HNRNPCL2: variants seen among roughly 807,000 people sequenced by gnomAD.
HNRNPCL2 encodes heterogeneous nuclear ribonucleoprotein C like 2.
HNRNPCL2 carries 17 observed loss-of-function variants against 18.2 expected under a neutral mutation model. The ratio of observed to expected loss-of-function variants is 0.94; its 90% CI spans 0.64 to 1.40. The LOEUF (loss-of-function observed/expected upper bound fraction) is 1.40, where lower values mean the gene tolerates loss of function less well. Ranked by LOEUF, HNRNPCL2 falls within the 40% of genes most tolerant of loss-of-function variation. The pLI is 0.00. For missense variants in HNRNPCL2, 358 were observed against 357.1 expected (o/e 1.00, Z -0.02); for synonymous variants, 133 against 129.9 (o/e 1.02, Z -0.16).
In HNRNPCL2 at chr1:13,116,276, T is replaced by C. The variant is rs1642825748; in HGVS notation, c.125A>G (p.Lys42Arg). 7 of 1,612,458 alleles carry C rather than the reference T, an allele frequency of 4.3e-6. 1 individual carries two copies. The highest frequency in any genetic ancestry group is 5.9e-6 in the Non-Finnish European group (7 of 1,179,626). ...DVEAIFSKYGKIAGCSVHKGF... is the reference protein window; with the variant it reads ...DVEAIFSKYGRIAGCSVHKGF... The stretch of plus-strand genomic sequence containing the variant: ...CTTATGAACAGAGCAGCCCGCAATT[T>C]TGCCATACTTGGAAAAGATCGCCTC... Residue 42 changes from lysine to arginine, a missense_variant, in exon 2 of 2, where the codon AAA becomes AGA. Physicochemically the swap from Lys to Arg is conservative, Grantham distance 26. Transcript: ENST00000621994.
Position 13,116,732 on chromosome 1 carries a change from C to T in HNRNPCL2, c.-182+61G>A, listed in dbSNP as rs551808121. On this transcript the variant is annotated intron_variant, in intron 1 of 1. Transcript: ENST00000621994. ...ATGCCATCGTAGGCTGCACTGTCACCGTTCTAGACCGGCTGACTGTAGGTC... is the reference window on the plus strand; with the variant it reads ...ATGCCATCGTAGGCTGCACTGTCACTGTTCTAGACCGGCTGACTGTAGGTC... 5.2e-4 allele frequency: 198 copies of T among 377,990 alleles called. 4 individuals are homozygous for T. The highest frequency in any genetic ancestry group is 3.1e-3 in the African/African-American group (149 of 47,550). 23.4% of individuals were successfully genotyped at this position (377,990 alleles called of 1,614,324 possible).
Position 13,116,803 on chromosome 1 carries a change from T to G in HNRNPCL2, c.-192A>C, listed in dbSNP as rs796721908. ...AAATTAGTGACTTACCAGATCTGGT[T>G]GTAGTTTAGAAGGTGCTCAGACCTC... On this transcript the variant is annotated 5_prime_UTR_variant, in exon 1 of 2. Coordinates refer to ENST00000621994, the MANE Select transcript of HNRNPCL2 (RefSeq NM_001136561.3). The G allele has an allele frequency of 9.1e-6, 2 of 218,670 alleles. No individual in the cohort carries two copies. 13.5% of individuals were successfully genotyped at this position (218,670 alleles called of 1,614,324 possible).
intron 1 of HNRNPCL2, 63 bp from the exon 2 acceptor site, chr1:13,116,644 A>G (rs1356845990): frequency 1.2e-6 from 1 of 818,712 alleles, no homozygotes; most frequent in Non-Finnish European, 1.8e-6. Context: ...TGCATTTAGA[A>G]AAAAAAATCA....
Position 13,116,150 on chromosome 1 carries a change from A to G in HNRNPCL2, c.251T>C (p.Leu84Pro). 6.2e-7 allele frequency: 1 copy of G among 1,608,704 alleles called. No individual in the cohort carries two copies. ...TCGGTTCACTTTTGGCTCTGCAGCC[A>G]GGTTAATAACTGCAACCTGGCTAGC... ...MIASQVAVINLAAEPKVNRGN... is the reference protein window; with the variant it reads ...MIASQVAVINPAAEPKVNRGN... The change falls in exon 2 of 2, where the codon CTG (leucine) becomes CCG (proline). Residue 84 changes from leucine to proline, a missense_variant. Physicochemically the swap from Leu to Pro is moderately conservative, Grantham distance 98. Coordinates refer to ENST00000621994, the MANE Select transcript of HNRNPCL2 (RefSeq NM_001136561.3).
At position 13,116,338 on chromosome 1, in the gene HNRNPCL2, C is replaced by G; in HGVS notation, c.63G>C (p.Gly21=). 6.2e-7 allele frequency: 1 copy of G among 1,612,112 alleles called. No homozygotes were observed. The highest frequency in any genetic ancestry group is 8.5e-7 in the Non-Finnish European group (1 of 1,179,456). ...PHSVNSRVFI[G]NLNTLVVKKS... ...TCTTGACAACAAGAGTGTTGAGATT[C>G]CCAATGAACACACGGGAGTTCACGG... is the stretch of plus-strand genomic sequence containing the variant. The change falls in exon 2 of 2, where the codon GGG becomes GGC. Residue 21 remains glycine, a synonymous_variant. Coordinates refer to ENST00000621994, the MANE Select transcript of HNRNPCL2 (RefSeq NM_001136561.3).
rs199927646 is a variant in HNRNPCL2, at chr1:13,115,599, G to C, written c.802C>G (p.His268Asp). Residue 268 changes from histidine to aspartate, a missense_variant, in exon 2 of 2, where the codon CAT (histidine) becomes GAT (aspartate). His to Asp is a moderately conservative substitution (Grantham distance 81). Coordinates refer to ENST00000621994, the MANE Select transcript of HNRNPCL2 (RefSeq NM_001136561.3). ...TCTTTTTCATTATTCTTGATCAAAT[G>C]AAGCTGGTTGTCCCCCTGATCTTCA... ...DNEDQGDNQL[H>D]LIKNNEKDAE... 17 of 1,613,512 alleles carry C rather than the reference G, an allele frequency of 1.1e-5. No homozygotes were observed. Among genetic ancestry groups the C allele is most frequent in the Middle Eastern group, 1.7e-4 (1 of 6,060 alleles).
chr1:13,115,575 CTT>C lies in HNRNPCL2; in HGVS notation c.824_825del (p.Lys275ArgfsTer3), dbSNP rs1376939525. 1.2e-6 allele frequency: 2 copies of C among 1,613,386 alleles called. No individual in the cohort carries two copies. Among genetic ancestry groups the C allele is most frequent in the Admixed American group, 3.3e-5 (2 of 59,974 alleles). On this transcript the variant is annotated frameshift_variant, in exon 2 of 2. Coordinates refer to ENST00000621994, the MANE Select transcript of HNRNPCL2 (RefSeq NM_001136561.3). LOFTEE classifies it high-confidence loss of function. Reference protein sequence around the residue: ...NQLHLIKNNEKDAEEGEDNRD... With the variant: ...NQLHLIKNNEXDAEEGEDNRD... ...CTGTTATCCTCTCCTTCCTCAGCAT[CTT>C]TTTCATTATTCTTGATCAAATGAAG...
Position 13,116,252 on chromosome 1 carries a change from T to G in HNRNPCL2, c.149A>C (p.Lys50Thr). The G allele has an allele frequency of 6.2e-7, 1 of 1,612,584 alleles. No individual in the cohort carries two copies. The highest frequency in any genetic ancestry group is 8.5e-7 in the Non-Finnish European group (1 of 1,179,712). The change falls in exon 2 of 2, where the codon AAG becomes ACG. Residue 50 changes from lysine (K) to threonine (T), a missense_variant. Physicochemically the swap from Lys to Thr is moderately conservative, Grantham distance 78. Coordinates refer to ENST00000621994, the MANE Select transcript of HNRNPCL2 (RefSeq NM_001136561.3). The part of the protein sequence containing the change: ...YGKIAGCSVH[K>T]GFAFVQYDKE... Reference sequence around the variant, plus strand: ...ATCATATTGAACGAAGGCAAAGCCCTTATGAACAGAGCAGCCCGCAATTTT... The same window carrying G: ...ATCATATTGAACGAAGGCAAAGCCCGTATGAACAGAGCAGCCCGCAATTTT...
In HNRNPCL2 at chr1:13,115,946, G is replaced by A; in HGVS notation, c.455C>T (p.Thr152Ile). Residue 152 changes from threonine (T) to isoleucine (I), a missense_variant, in exon 2 of 2, where the codon ACC (threonine) becomes ATC (isoleucine). By Grantham distance (89) the Thr-to-Ile change is moderately conservative. Transcript: ENST00000621994. Reference sequence around the variant, plus strand: ...GAAGCCACTTTTGCCCCTTCGTGAGGTGTTTCCTGATATGCGCTGGCGTTT... The same window carrying A: ...GAAGCCACTTTTGCCCCTTCGTGAGATGTTTCCTGATATGCGCTGGCGTTT... Reference protein sequence around the residue: ...PSKRQRISGNTSRRGKSGFNS... With the variant: ...PSKRQRISGNISRRGKSGFNS... 3.1e-6 allele frequency: 5 copies of A among 1,613,032 alleles called. No individual in the cohort carries two copies. Among genetic ancestry groups the A allele is most frequent in the Non-Finnish European group, 4.2e-6 (5 of 1,179,678 alleles).
rs767315185 is a variant in HNRNPCL2 at position 13,116,105 on chromosome 1, C to A, written c.296G>T (p.Arg99Leu). ...GGAGCCGTACATCTCCGCTGCGGAT[C>A]GTTTCACACCTGCGTTTCCTCGGTT... ...KVNRGNAGVK[R>L]SAAEMYGSSF... Residue 99 changes from arginine (R) to leucine (L), a missense_variant, in exon 2 of 2, where the codon CGA (arginine) becomes CTA (leucine). Arg to Leu is a moderately radical substitution (Grantham distance 102). Transcript: ENST00000621994. 6.2e-7 allele frequency: 1 copy of A among 1,612,928 alleles called. No homozygotes were observed. The highest frequency in any genetic ancestry group is 8.5e-7 in the Non-Finnish European group (1 of 1,179,778).
Position 13,115,975 on chromosome 1 carries a change from G to A in HNRNPCL2, c.426C>T (p.Pro142=), listed in dbSNP as rs766339330. ...TTCCTGATATGCGCTGGCGTTTCGAGGGCACTACAGCCAGAGCAATGGGAG... is the reference window on the plus strand; with the variant it reads ...TTCCTGATATGCGCTGGCGTTTCGAAGGCACTACAGCCAGAGCAATGGGAG... ...PPPPIALAVV[P]SKRQRISGNT... Residue 142 remains proline, a synonymous_variant, in exon 2 of 2, where the codon CCC becomes CCT. Coordinates refer to ENST00000621994, the MANE Select transcript of HNRNPCL2 (RefSeq NM_001136561.3). The A allele has an allele frequency of 2.0e-5, 33 of 1,613,064 alleles. No homozygotes were observed. Among genetic ancestry groups the A allele is most frequent in the Non-Finnish European group, 2.5e-5 (30 of 1,179,772 alleles).
Position 13,115,523 on chromosome 1 carries a change from G to A in HNRNPCL2, c.878C>T (p.Ser293Phe), listed in dbSNP as rs546150569. 1 of 1,599,240 alleles carries A rather than the reference G, an allele frequency of 6.3e-7. No individual in the cohort carries two copies. Among genetic ancestry groups the A allele is most frequent in the Non-Finnish European group, 8.5e-7 (1 of 1,173,548 alleles). The change falls in exon 2 of 2, where the codon TCT becomes TTT. Residue 293 changes from serine (S) to phenylalanine (F), a missense_variant. Ser to Phe is a radical substitution (Grantham distance 155, BLOSUM62 -2). Transcript: ENST00000621994. The part of the protein sequence containing the change: ...NRDSTNGQDD[S>F] ...TTTCTCAACCCCACTATGTGCTTAA[G>A]AGTCATCCTGGCCATTGGTGCTGTC...
rs771423677 is a variant in HNRNPCL2, at chr1:13,115,924, G to A, written c.477C>T (p.Gly159=). ...SGNTSRRGKS[G]FNSKSGKRGS... ...CCCGCTTTCCACTCTTAGAATTGAA[G>A]CCACTTTTGCCCCTTCGTGAGGTGT... Residue 159 remains glycine, a synonymous_variant, in exon 2 of 2, where the codon GGC becomes GGT. Transcript: ENST00000621994. 2.5e-6 allele frequency: 4 copies of A among 1,612,914 alleles called. No homozygotes were observed. The South Asian group carries it at 3.3e-5, about 13-fold the overall frequency.
chr1:13,116,467 C>A lies in HNRNPCL2; in HGVS notation c.-67G>T. The A allele has an allele frequency of 6.5e-7, 1 of 1,536,740 alleles. No individual in the cohort carries two copies. Among genetic ancestry groups the A allele is most frequent in the East Asian group, 2.3e-5 (1 of 43,352 alleles). On this transcript the variant is annotated 5_prime_UTR_variant, in exon 2 of 2. Transcript: ENST00000621994. ...GGCGGGAGGGAGAAGAGATTCGATT[C>A]TAAGTCTCCTACTGCCGGGTTCTAC...
rs1328747597 is a variant in HNRNPCL2 at position 13,115,763 on chromosome 1, A to C, written c.638T>G (p.Val213Gly). The part of the protein sequence containing the change: ...KIEKEQSKQE[V>G]EVKNAKSEEE... ...TTCTGACTTAGCATTTTTCACCTCT[A>C]CCTCTTGTTTGCTCTGTTCCTTTTC... The change falls in exon 2 of 2, where the codon GTA (valine) becomes GGA (glycine). Residue 213 changes from valine (V) to glycine (G), a missense_variant. Transcript: ENST00000621994. 1.9e-6 allele frequency: 3 copies of C among 1,612,496 alleles called. No individual in the cohort carries two copies. The highest frequency in any genetic ancestry group is 2.5e-6 in the Non-Finnish European group (3 of 1,179,734).
At position 13,116,042 on chromosome 1, in the gene HNRNPCL2, T is replaced by C. The variant is rs1211812500; in HGVS notation, c.359A>G (p.Tyr120Cys). ...DLDYGFQRDY[Y>C]DGMYSFPARV... Reference sequence around the variant, plus strand: ...TGCTGGGAAACTGTACATCCCATCATAATAATCCCGTTGAAAGCCATAGTC... The same window carrying C: ...TGCTGGGAAACTGTACATCCCATCACAATAATCCCGTTGAAAGCCATAGTC... Residue 120 changes from tyrosine to cysteine, a missense_variant, in exon 2 of 2, where the codon TAT (tyrosine) becomes TGT (cysteine). Physicochemically the swap from Tyr to Cys is radical, Grantham distance 194 (BLOSUM62 -2). Transcript: ENST00000621994. 3 of 1,613,438 alleles carry C rather than the reference T, an allele frequency of 1.9e-6. No homozygotes were observed. The highest frequency in any genetic ancestry group is 2.5e-6 in the Non-Finnish European group (3 of 1,179,880).
At position 13,115,903 on chromosome 1, in the gene HNRNPCL2, C is replaced by A. The variant is rs575926530; in HGVS notation, c.498G>T (p.Lys166Asn). 278 of 1,612,770 alleles carry A rather than the reference C, an allele frequency of 1.7e-4. 7 individuals carry two copies. In the African/African-American group the frequency reaches 3.4e-3, roughly 20 times the overall value. ...GKSGFNSKSG[K>N]RGSSKSGKLK... The stretch of plus-strand genomic sequence containing the variant: ...GCTTTCCAGACTTGGAAGATCCCCG[C>A]TTTCCACTCTTAGAATTGAAGCCAC... The change falls in exon 2 of 2, where the codon AAG becomes AAT. Residue 166 changes from lysine to asparagine, a missense_variant. By Grantham distance (94) the Lys-to-Asn change is moderately conservative (BLOSUM62 0). Coordinates refer to ENST00000621994, the MANE Select transcript of HNRNPCL2 (RefSeq NM_001136561.3).
rs754633845 is a variant in HNRNPCL2 at position 13,115,702 on chromosome 1, C to A, written c.699G>T (p.Glu233Asp). Reference protein sequence around the residue: ...EQSSSSMKKDETHVKMESEGG... With the variant: ...EQSSSSMKKDDTHVKMESEGG... ...CCTCAGACTCCATCTTTACATGAGT[C>A]TCATCTTTCTTCATGGAGCTACTGC... Residue 233 changes from glutamate (E) to aspartate (D), a missense_variant, in exon 2 of 2, where the codon GAG (glutamate) becomes GAT (aspartate). Glu to Asp is a conservative substitution (Grantham distance 45). Coordinates refer to ENST00000621994, the MANE Select transcript of HNRNPCL2 (RefSeq NM_001136561.3). 1.2e-6 allele frequency: 2 copies of A among 1,613,626 alleles called. No individual in the cohort carries two copies. The highest frequency in any genetic ancestry group is 3.3e-4 in the Middle Eastern group (2 of 6,062).
At position 13,116,507 on chromosome 1, in the gene HNRNPCL2, T is replaced by C. The variant is rs1242204230; in HGVS notation, c.-107A>G. On this transcript the variant is annotated 5_prime_UTR_variant, in exon 2 of 2. Transcript: ENST00000621994. ...CCGGGTTCTACGGGGAGAAACTGACTGCGGCTCGAGGCCAGAAATGCAGCC... is the reference window on the plus strand; with the variant it reads ...CCGGGTTCTACGGGGAGAAACTGACCGCGGCTCGAGGCCAGAAATGCAGCC... The C allele has an allele frequency of 1.4e-6, 2 of 1,459,550 alleles. No individual in the cohort carries two copies. Among genetic ancestry groups the C allele is most frequent in the Non-Finnish European group, 1.8e-6 (2 of 1,099,658 alleles). 90.4% of individuals were successfully genotyped at this position (1,459,550 alleles called of 1,614,324 possible).
Sources: gnomAD v4.1 joint callset for allele counts on GRCh38, gnomAD v4.1.1 for gene constraint, MANE v1.5 for transcripts, NCBI Gene and HGNC (gene_info 2026-07-23, HGNC 2026-07-21) for gene names.